NEMP2: variants seen among roughly 807,000 people sequenced by gnomAD.
The protein encoded by NEMP2 is UPF0571 transmembrane protein.
Under a neutral mutation model 54.2 loss-of-function variants are expected in NEMP2, and 53 were observed. That is an observed-to-expected ratio of 0.98 (90% CI 0.78 to 1.23). The LOEUF is 1.23. Ranked by LOEUF, NEMP2 falls within the 50% of genes most tolerant of loss-of-function variation. The pLI, the probability that NEMP2 is intolerant of heterozygous loss-of-function variation, is 0.00. For missense variants in NEMP2, 455 were observed against 511.3 expected (o/e 0.89, Z 1.06); for synonymous variants, 197 against 190.3 (o/e 1.04, Z -0.29).
chr2:190,422,344 CT>C, the NEMP2 span, among the ~76,000 whole-genome samples: 1 of 152,172 alleles, frequency 6.6e-6, no homozygotes, highest in African/African-American at 2.4e-5. Context: ...TCTGTCATCC[CT>C]GTATTCCTGT....
chr2:190,522,036 C>T lies in NEMP2; in HGVS notation c.214-2853G>A, dbSNP rs1385401728. 6.6e-6 allele frequency among the ~76,000 whole-genome samples: 1 copy of T among 152,092 alleles called. No individual in the cohort carries two copies. Among genetic ancestry groups the T allele is most frequent in the Non-Finnish European group, 1.5e-5 (1 of 68,022 alleles). ...AGACACAGGAAAGATATACCAGAAA[C>T]TACTTAAACTGATTGTCTACAAGGG... On this transcript the variant is annotated intron_variant, in intron 2 of 8. Transcript: ENST00000409150. The surrounding 1 kb of genome is among the most constrained non-coding windows in gnomAD (Gnocchi z 5.0).
the NEMP2 span, among the ~76,000 whole-genome samples, chr2:190,627,605 A>C: frequency 3.3e-5 from 5 of 151,922 alleles, no homozygotes; most frequent in African/African-American, 9.7e-5. The surrounding 1 kb of genome is among the most constrained non-coding windows in gnomAD (Gnocchi z 4.4). Flanking sequence ...AAAAAAAAAA[A>C]AACCTTAACA....
chr2:190,454,246 CT>C, the NEMP2 span: 1 of 152,280 alleles, frequency 6.6e-6, no homozygotes, highest in East Asian at 1.9e-4. This position sits in a 1 kb window ranked among gnomAD's most constrained non-coding sequence, Gnocchi z 4.6. Context: ...ACCTGAGAGC[CT>C]GCAGCCACGG....
At chr2:190,595,625 A>G in the NEMP2 span, among the ~76,000 whole-genome samples, 1 of 152,236 alleles carries the variant, frequency 6.6e-6, no homozygotes, top group East Asian at 1.9e-4. This position sits in a 1 kb window ranked among gnomAD's most constrained non-coding sequence, Gnocchi z 4.0. Context: ...GAAGACATTT[A>G]TGTGGCCAAC....
chr2:190,476,515 T>TA, the NEMP2 span, among the ~76,000 whole-genome samples: 1 of 152,114 alleles, frequency 6.6e-6, no homozygotes, highest in Admixed American at 6.6e-5. Flanking sequence ...TACCATCTCA[T>TA]ACCAATTAGA....
At chr2:190,633,861 T>C in the NEMP2 span, among the ~76,000 whole-genome samples, 13 of 152,166 alleles carry the variant, frequency 8.5e-5, no homozygotes. Context: ...ACCTGAGGCC[T>C]GGAATACAAG....
the NEMP2 span, among the ~76,000 whole-genome samples, chr2:190,629,275 A>T: frequency 6.6e-6 from 1 of 152,206 alleles, no homozygotes; most frequent in East Asian, 1.9e-4. Flanking sequence ...AGCGGTCTTT[A>T]AAAAGTTCAT....
At chr2:190,574,064 C>A in the NEMP2 span, among the ~76,000 whole-genome samples, 1 of 152,200 alleles carries the variant, frequency 6.6e-6, no homozygotes, top group African/African-American at 2.4e-5. Flanking sequence ...TCCCCTCTTT[C>A]TCTTTTTTCC....
chr2:190,471,438 A>T, the NEMP2 span, among the ~76,000 whole-genome samples: 5 of 152,116 alleles, frequency 3.3e-5, no homozygotes, highest in African/African-American at 1.2e-4. This position sits in a 1 kb window ranked among gnomAD's most constrained non-coding sequence, Gnocchi z 4.7. Context: ...ACACTAGGAG[A>T]TTATATCCCG....
the NEMP2 span, among the ~76,000 whole-genome samples, chr2:190,469,337 C>G: frequency 2.0e-5 from 3 of 152,096 alleles, no homozygotes; most frequent in East Asian, 5.8e-4. This position sits in a 1 kb window ranked among gnomAD's most constrained non-coding sequence, Gnocchi z 5.3. Context: ...ATCCTTCCTT[C>G]CCCCATTGTA....
the NEMP2 span, among the ~76,000 whole-genome samples, chr2:190,631,052 T>C: frequency 6.6e-6 from 1 of 151,590 alleles, no homozygotes; most frequent in Non-Finnish European, 1.5e-5. Flanking sequence ...ATATAAAAAA[T>C]GATAATACTA....
the NEMP2 span, among the ~76,000 whole-genome samples, chr2:190,639,718 A>G: frequency 6.6e-6 from 1 of 151,366 alleles, no homozygotes; most frequent in Non-Finnish European, 1.5e-5. Context: ...GCACGATCTC[A>G]GCTTACTGCA....
At chr2:190,500,056 C>T, downstream of NEMP2, 2 of 1,614,202 alleles carry the variant, frequency 1.2e-6, no homozygotes, top group South Asian at 2.2e-5. This position sits in a 1 kb window ranked among gnomAD's most constrained non-coding sequence, Gnocchi z 5.3. Context: ...CTGGTAGAGC[C>T]CAGCCTGTCC....
At chr2:190,428,654 C>T in the NEMP2 span, among the ~76,000 whole-genome samples, 52,143 of 107,882 alleles carry the variant, frequency 0.48, 10,099 homozygotes, top group East Asian at 0.59. Flanking sequence ...GAGATGCTTG[C>T]TTATTTATTT....
the NEMP2 span, among the ~76,000 whole-genome samples, chr2:190,600,793 A>C: frequency 6.6e-6 from 1 of 152,074 alleles, no homozygotes; most frequent in Non-Finnish European, 1.5e-5. The surrounding 1 kb of genome is among the most constrained non-coding windows in gnomAD (Gnocchi z 4.9). Context: ...TTTATAAATT[A>C]CCTCAGCCTC....
At chr2:190,593,278 A>G in the NEMP2 span, among the ~76,000 whole-genome samples, 1 of 152,218 alleles carries the variant, frequency 6.6e-6, no homozygotes, top group African/African-American at 2.4e-5. The surrounding 1 kb of genome is among the most constrained non-coding windows in gnomAD (Gnocchi z 4.5). Flanking sequence ...TCTAACCAAA[A>G]GATCCCAGAA....
At chr2:190,534,301 A>C in intron 1 of NEMP2, 17 of 1,165,470 alleles carry the variant, frequency 1.5e-5, no homozygotes, top group Admixed American at 4.6e-5. Context: ...AAACGAGGGA[A>C]TTGGGCGACT....
In NEMP2 at chr2:190,504,770, T is replaced by G. The variant is rs1690148407; in HGVS notation, c.*4419A>C. 2 of 152,198 alleles carry G rather than the reference T, an allele frequency of 1.3e-5. No homozygotes were observed. The highest frequency in any genetic ancestry group is 4.1e-4 in the South Asian group (2 of 4,834). 9.4% of individuals were successfully genotyped at this position (152,198 alleles called of 1,614,324 possible). A position where few individuals can be genotyped will look rare whatever the true frequency, so the allele number is the denominator to read the frequency against. ...TTGAAAAAAGGTCGGATTTTTTTTGTTTCCTGAAAAGATCACTGGCATCTT... is the reference window on the plus strand; with the variant it reads ...TTGAAAAAAGGTCGGATTTTTTTTGGTTCCTGAAAAGATCACTGGCATCTT... On this transcript the variant is annotated 3_prime_UTR_variant, in exon 9 of 9. Transcript: ENST00000409150. The surrounding 1 kb of genome is among the most constrained non-coding windows in gnomAD (Gnocchi z 5.6).
At chr2:190,480,924 G>T in the NEMP2 span, among the ~76,000 whole-genome samples, 1 of 152,134 alleles carries the variant, frequency 6.6e-6, no homozygotes, top group Non-Finnish European at 1.5e-5. Flanking sequence ...TAATTTAAAA[G>T]ATCCTATTCT....
Sources: allele counts gnomAD v4.1 joint callset (sites outside exome capture counted in the v4.1 genomes callset), GRCh38; gene constraint gnomAD v4.1.1; non-coding constraint Gnocchi (gnomAD v3.1); transcripts MANE v1.5; gene names NCBI Gene and HGNC (gene_info 2026-07-23, HGNC 2026-07-21).